PCDHGA5: variants seen among roughly 807,000 people sequenced by gnomAD.
The protein encoded by PCDHGA5 is protocadherin gamma subfamily A, 5, also known as protocadherin gamma-A5.
Under a neutral mutation model 56.7 loss-of-function variants are expected in PCDHGA5, and 36 were observed. The observed-to-expected ratio is 0.64, with a 90% CI of 0.49 to 0.84. The LOEUF (loss-of-function observed/expected upper bound fraction) is 0.84. Ranked by LOEUF, PCDHGA5 falls within the 40% of genes least tolerant of loss-of-function variation. The probability of loss-of-function intolerance (pLI) is 0.00; values close to 1 mark genes in which losing one functional copy is unlikely to be tolerated. For synonymous variants in PCDHGA5, 563 were observed against 520.2 expected (o/e 1.08, Z -1.12); for missense variants, 1,305 against 1,201.5 (o/e 1.09, Z -1.27).
chr5:141,468,315 C>T (rs1197043569), intron 1 of PCDHGA5: 4 of 120,552 alleles, frequency 3.3e-5, no homozygotes, highest in Non-Finnish European at 5.0e-5. Context: ...ACAAGAGCAA[C>T]GGTAAACTCC....
In PCDHGA5 at chr5:141,476,264, G is replaced by A. The variant is rs753184649; in HGVS notation, c.2422-18543G>A. The A allele has an allele frequency of 2.5e-6, 4 of 1,614,082 alleles. No individual in the cohort carries two copies. The highest frequency in any genetic ancestry group is 3.4e-6 in the Non-Finnish European group (4 of 1,180,010). Reference sequence around the variant, plus strand: ...AGAGAAGGGTTTCGCTGTGGGCAACGTGGTCGCGAACCTTGGTTTGGATCT... The same window carrying A: ...AGAGAAGGGTTTCGCTGTGGGCAACATGGTCGCGAACCTTGGTTTGGATCT... On this transcript the variant is annotated intron_variant, in intron 1 of 3. Coordinates refer to ENST00000518069, the MANE Select transcript of PCDHGA5 (RefSeq NM_018918.3). The surrounding 1 kb of genome is among the most constrained non-coding windows in gnomAD (Gnocchi z 7.6).
intron 1 of PCDHGA5, chr5:141,404,914 C>T (rs1423848318): frequency 1.2e-6 from 2 of 1,613,948 alleles, no homozygotes; most frequent in Non-Finnish European, 1.7e-6. Flanking sequence ...AGCCCCCTCT[C>T]TCGGCCACTG....
intron 1 of PCDHGA5, chr5:141,372,696 C>T: frequency 6.2e-7 from 1 of 1,613,994 alleles, no homozygotes; most frequent in Non-Finnish European, 8.5e-7. Context: ...GTTTAAATTT[C>T]TCAATATAAA....
intron 3 of PCDHGA5, 149 bp downstream of exon 3, chr5:141,505,630 A>G (rs558394591): frequency 4.7e-5 from 69 of 1,480,262 alleles, no homozygotes; most frequent in Admixed American, 2.2e-5. Flanking sequence ...AATTCCAAAC[A>G]TAAAGCCTGG....
At chr5:141,501,516 C>T (rs763346187) in intron 2 of PCDHGA5, among the ~76,000 whole-genome samples, 1 of 152,010 alleles carries the variant, frequency 6.6e-6, no homozygotes, top group African/African-American at 2.4e-5. Context: ...GGCCTCCAAG[C>T]TGAAGCCCAG....
intron 1 of PCDHGA5, among the ~76,000 whole-genome samples, chr5:141,438,587 CAT>C (rs1372372472): frequency 3.8e-4 from 28 of 73,432 alleles, no homozygotes; most frequent in African/African-American, 1.4e-3. Flanking sequence ...TACATACATA[CAT>C]ACATATATAT....
In PCDHGA5 at chr5:141,393,826, A is replaced by T. The variant is rs1182278213; in HGVS notation, c.2421+27075A>T. 6.2e-7 allele frequency: 1 copy of T among 1,613,988 alleles called. No homozygotes were observed. Among genetic ancestry groups the T allele is most frequent in the African/African-American group, 1.3e-5 (1 of 75,050 alleles). Reference sequence around the variant, plus strand: ...AGGACCAAATTGCTCATTTCGGTGGAAGATGTAAATGACAATAGACCAGAA... The same window carrying T: ...AGGACCAAATTGCTCATTTCGGTGGTAGATGTAAATGACAATAGACCAGAA... On this transcript the variant is annotated intron_variant, in intron 1 of 3. Coordinates refer to ENST00000518069, the MANE Select transcript of PCDHGA5 (RefSeq NM_018918.3).
chr5:141,453,676 C>T (rs1387074223), intron 1 of PCDHGA5, among the ~76,000 whole-genome samples: 1 of 152,174 alleles, frequency 6.6e-6, no homozygotes, highest in Admixed American at 6.6e-5. Flanking sequence ...AAAGGTAACA[C>T]ACTATGTAGG....
chr5:141,497,775 A>G (rs2099779384), intron 2 of PCDHGA5, among the ~76,000 whole-genome samples: 2 of 152,054 alleles, frequency 1.3e-5, no homozygotes, highest in South Asian at 4.2e-4. Context: ...CCCGACCTCA[A>G]CTGATCCACC....
At chr5:141,405,448 CT>C in intron 1 of PCDHGA5, 1 of 1,314,740 alleles carries the variant, frequency 7.6e-7, no homozygotes, top group Non-Finnish European at 1.1e-6. Flanking sequence ...GAGACAGAGT[CT>C]TACTCTGTTA....
At chr5:141,421,972 C>T (rs764728654) in intron 1 of PCDHGA5, 2 of 1,609,892 alleles carry the variant, frequency 1.2e-6, no homozygotes, top group African/African-American at 2.7e-5. Context: ...GTCCGTATAT[C>T]GCGTGAGTGT....
At chr5:141,391,586 A>T (rs2092395151) in intron 1 of PCDHGA5, 1 of 152,234 alleles carries the variant, frequency 6.6e-6, no homozygotes. Flanking sequence ...TTCACAGGAA[A>T]ATATAAAGTT....
chr5:141,431,146 T>G lies in PCDHGA5; in HGVS notation c.2422-63661T>G. On this transcript the variant is annotated intron_variant, in intron 1 of 3. Coordinates refer to ENST00000518069, the MANE Select transcript of PCDHGA5 (RefSeq NM_018918.3). The surrounding 1 kb of genome is among the most constrained non-coding windows in gnomAD (Gnocchi z 4.8). The stretch of plus-strand genomic sequence containing the variant: ...TAGAAGTAAGGGACATTAACGACAA[T>G]GCGCCTTACTTTCGTGAAAGTGAAT... 6.2e-7 allele frequency: 1 copy of G among 1,614,124 alleles called. No individual in the cohort carries two copies. Among genetic ancestry groups the G allele is most frequent in the African/African-American group, 1.3e-5 (1 of 75,022 alleles).
intron 1 of PCDHGA5, chr5:141,478,917 T>A: frequency 1.3e-6 from 1 of 772,666 alleles, no homozygotes; most frequent in Middle Eastern, 3.9e-4. Flanking sequence ...TGGATACCTC[T>A]AACCAGTGGC....
chr5:141,422,790 C>G, intron 1 of PCDHGA5: 1 of 1,614,060 alleles, frequency 6.2e-7, no homozygotes, highest in South Asian at 1.1e-5. Context: ...TACAATCCTT[C>G]GACTATGAGC....
rs370127569 is a variant in PCDHGA5 at position 141,422,859 on chromosome 5, C to T, written c.2421+56108C>T. 1.4e-5 allele frequency: 22 copies of T among 1,614,148 alleles called. No homozygotes were observed. In the African/African-American group the frequency reaches 2.5e-4, roughly 19 times the overall value. ...GTGACAGCGGGGACCCGCCCCTCAG[C>T]AGCAACGTGTCGCTGAGCCTGTTCG... On this transcript the variant is annotated intron_variant, in intron 1 of 3. Transcript: ENST00000518069.
In PCDHGA5 at chr5:141,491,638, G is replaced by A. The variant is rs2099723160; in HGVS notation, c.2422-3169G>A. The A allele has an allele frequency of 6.2e-7, 1 of 1,613,898 alleles. No individual in the cohort carries two copies. The highest frequency in any genetic ancestry group is 1.3e-5 in the African/African-American group (1 of 75,074). ...ACCCCTCAGCGTTCAGCAGCCCACA[G>A]CTCTGGCGCTGGAGCCTGACGCCAT... On this transcript the variant is annotated intron_variant, in intron 1 of 3. Coordinates refer to ENST00000518069, the MANE Select transcript of PCDHGA5 (RefSeq NM_018918.3). The surrounding 1 kb of genome is among the most constrained non-coding windows in gnomAD (Gnocchi z 6.9).
Position 141,374,740 on chromosome 5 carries a change from C to T in PCDHGA5, c.2421+7989C>T, listed in dbSNP as rs1337639511. On this transcript the variant is annotated intron_variant, in intron 1 of 3. Transcript: ENST00000518069. ...TCCTTACTGCCATGGATGGCGGCGA[C>T]CCTGTCCGCTCAAGCGTCGCCCAAA... 7 of 1,611,592 alleles carry T rather than the reference C, an allele frequency of 4.3e-6. No homozygotes were observed. In the South Asian group the frequency reaches 6.6e-5, roughly 15 times the overall value.
At chr5:141,464,407 A>C (rs996561936) in intron 1 of PCDHGA5, among the ~76,000 whole-genome samples, 1 of 151,544 alleles carries the variant, frequency 6.6e-6, no homozygotes, top group Non-Finnish European at 1.5e-5. Flanking sequence ...CCTGAGATAT[A>C]TATATATCTA....
Sources: allele counts gnomAD v4.1 joint callset (sites outside exome capture counted in the v4.1 genomes callset), GRCh38; gene constraint gnomAD v4.1.1; non-coding constraint Gnocchi (gnomAD v3.1); transcripts MANE v1.5; gene names NCBI Gene and HGNC (gene_info 2026-07-23, HGNC 2026-07-21).